QTMAN: variants seen among roughly 807,000 people sequenced by gnomAD.
QTMAN encodes the protein queuosine-tRNA mannosyltransferase, also known as tRNA-queuosine alpha-mannosyltransferase.
chr2:144,042,760 T>A, the QTMAN span, among the ~76,000 whole-genome samples: 1 of 129,938 alleles, frequency 7.7e-6, no homozygotes. Context: ...TGAGACTCTG[T>A]CTCAAAAAAA....
the QTMAN span, among the ~76,000 whole-genome samples, chr2:144,114,565 C>T: frequency 9.9e-5 from 15 of 152,156 alleles, no homozygotes; most frequent in Non-Finnish European, 1.3e-4. Context: ...TAATAATTTG[C>T]TCATGCTGTA....
chr2:143,976,094 T>A, the QTMAN span, among the ~76,000 whole-genome samples: 1 of 152,186 alleles, frequency 6.6e-6, no homozygotes, highest in East Asian at 1.9e-4. Context: ...AATATAACTA[T>A]TCCTTCAAGA....
chr2:144,201,856 AC>A, the QTMAN span, among the ~76,000 whole-genome samples: 1 of 152,216 alleles, frequency 6.6e-6, no homozygotes, highest in Non-Finnish European at 1.5e-5. Context: ...GGGGAGTGTT[AC>A]ATTTTTATTA....
At chr2:143,980,750 A>G in the QTMAN span, among the ~76,000 whole-genome samples, 1 of 152,232 alleles carries the variant, frequency 6.6e-6, no homozygotes, top group Non-Finnish European at 1.5e-5. Flanking sequence ...TTCACGTCAT[A>G]TCTTAACATC....
the QTMAN span, among the ~76,000 whole-genome samples, chr2:144,077,812 C>CT: frequency 1.3e-5 from 2 of 152,004 alleles, no homozygotes; most frequent in South Asian, 4.1e-4. Context: ...TTTTTACAAC[C>CT]ATAGTAAGCA....
At chr2:144,310,837 C>G in the QTMAN span, among the ~76,000 whole-genome samples, 3 of 152,100 alleles carry the variant, frequency 2.0e-5, no homozygotes, top group African/African-American at 7.2e-5. Flanking sequence ...GATTTATATT[C>G]CTTTAAATAT....
the QTMAN span, among the ~76,000 whole-genome samples, chr2:143,995,996 C>A: frequency 6.6e-6 from 1 of 152,102 alleles, no homozygotes; most frequent in East Asian, 1.9e-4. Context: ...ATATCCTGAC[C>A]ACTTATGATC....
the QTMAN span, among the ~76,000 whole-genome samples, chr2:143,966,216 C>T: frequency 4.6e-5 from 7 of 152,150 alleles, no homozygotes; most frequent in Non-Finnish European, 8.8e-5. Flanking sequence ...ACTTAACCTC[C>T]CTGTGCCTTA....
the QTMAN span, among the ~76,000 whole-genome samples, chr2:144,047,621 C>G: frequency 0.16 from 24,328 of 152,076 alleles, 3,677 homozygotes; most frequent in African/African-American, 0.39. Context: ...AACATGCTTT[C>G]TAAAGTAACT....
the QTMAN span, among the ~76,000 whole-genome samples, chr2:144,308,444 C>T: frequency 3.9e-5 from 6 of 151,902 alleles, no homozygotes; most frequent in Admixed American, 2.6e-4. Flanking sequence ...GGATTACAGG[C>T]GTGAGCCACC....
chr2:144,150,336 A>G, the QTMAN span, among the ~76,000 whole-genome samples: 15 of 152,010 alleles, frequency 9.9e-5, no homozygotes, highest in African/African-American at 3.6e-4. Flanking sequence ...CTGTTCCTTG[A>G]TATCTACTCT....
At chr2:144,189,103 A>C in the QTMAN span, among the ~76,000 whole-genome samples, 1 of 152,204 alleles carries the variant, frequency 6.6e-6, no homozygotes, top group Non-Finnish European at 1.5e-5. Context: ...CAATATTCTC[A>C]ACCTTGGATG....
the QTMAN span, among the ~76,000 whole-genome samples, chr2:144,165,046 T>G: frequency 6.6e-6 from 1 of 152,092 alleles, no homozygotes; most frequent in Non-Finnish European, 1.5e-5. Context: ...GCTCACTTTG[T>G]TAAAGAAGGT....
chr2:144,192,930 T>C, the QTMAN span, among the ~76,000 whole-genome samples: 1 of 152,362 alleles, frequency 6.6e-6, no homozygotes. Flanking sequence ...GTTATTCTTT[T>C]ATTAAAATTA....
At chr2:144,327,155 G>C in the QTMAN span, among the ~76,000 whole-genome samples, 1 of 152,164 alleles carries the variant, frequency 6.6e-6, no homozygotes. Flanking sequence ...TGAGTTCAGA[G>C]AGCTTCCAGG....
the QTMAN span, among the ~76,000 whole-genome samples, chr2:144,067,437 C>G: frequency 6.6e-6 from 1 of 152,316 alleles, no homozygotes; most frequent in Non-Finnish European, 1.5e-5. Context: ...TGCACACATA[C>G]TTCTATAGCA....
At chr2:144,117,227 A>G in the QTMAN span, among the ~76,000 whole-genome samples, 1 of 152,192 alleles carries the variant, frequency 6.6e-6, no homozygotes, top group African/African-American at 2.4e-5. Context: ...ACAGTAGATT[A>G]GCATTTTCCA....
chr2:144,313,777 G>T, the QTMAN span, among the ~76,000 whole-genome samples: 3 of 144,206 alleles, frequency 2.1e-5, no homozygotes, highest in East Asian at 2.0e-4. Flanking sequence ...TATCATTAGA[G>T]TTTTTTTTTT....
chr2:144,139,172 T>C, the QTMAN span, among the ~76,000 whole-genome samples: 1 of 152,016 alleles, frequency 6.6e-6, no homozygotes, highest in Admixed American at 6.6e-5. Flanking sequence ...TGACTCAAGG[T>C]GATAAAGTAA....
Sources: gnomAD v4.1 joint callset for allele counts (sites outside exome capture counted in the v4.1 genomes callset) on GRCh38, gnomAD v4.1.1 for gene constraint, MANE v1.5 for transcripts, NCBI Gene and HGNC (gene_info 2026-07-23, HGNC 2026-07-21) for gene names.